MAPK4: variants seen among roughly 807,000 people sequenced by gnomAD.
MAPK4 encodes the protein Erk3-related.
Under a neutral mutation model 47.7 loss-of-function variants are expected in MAPK4, and 22 were observed. The observed-to-expected ratio is 0.46, with a 90% CI of 0.33 to 0.66. The LOEUF (loss-of-function observed/expected upper bound fraction) is 0.66, where lower values mean the gene tolerates loss of function less well. Ranked by LOEUF, MAPK4 falls within the 30% of genes least tolerant of loss-of-function variation. The probability of loss-of-function intolerance (pLI) is 0.02; values close to 1 mark genes in which losing one functional copy is unlikely to be tolerated. For synonymous variants in MAPK4, 390 were observed against 365.7 expected (o/e 1.07, Z -0.76); for missense variants, 736 against 831.7 (o/e 0.88, Z 1.42).
At chr18:50,727,562 C>G (rs549743138) in intron 5 of MAPK4, among the ~76,000 whole-genome samples, 1 of 152,318 alleles carries the variant, frequency 6.6e-6, no homozygotes, top group Non-Finnish European at 1.5e-5. Flanking sequence ...GTGGTTCCTG[C>G]GGCAGCTTCC....
chr18:50,646,947 G>T (rs1309508173), intron 1 of MAPK4, among the ~76,000 whole-genome samples: 8 of 152,090 alleles, frequency 5.3e-5, no homozygotes, highest in Admixed American at 5.2e-4. Context: ...CCTCCGTCCT[G>T]TACTTTTCCA....
At chr18:50,679,126 C>T (rs1417579985) in intron 2 of MAPK4, among the ~76,000 whole-genome samples, 1 of 152,134 alleles carries the variant, frequency 6.6e-6, no homozygotes, top group Non-Finnish European at 1.5e-5. Flanking sequence ...GGAGAGCAAG[C>T]CCGGGAGCAC....
Position 50,643,480 on chromosome 18 carries a change from G to A in MAPK4, c.-870-19609G>A, listed in dbSNP as rs550299861. On this transcript the variant is annotated intron_variant, in intron 1 of 5. Transcript: ENST00000400384. Reference sequence around the variant, plus strand: ...AGAGGTTGCAGCGAGTCGAGGTCGCGCCACTGCGCTCCAGCTTGTGTAATG... The same window carrying A: ...AGAGGTTGCAGCGAGTCGAGGTCGCACCACTGCGCTCCAGCTTGTGTAATG... Among the ~76,000 whole-genome samples the A allele has an allele frequency of 4.6e-3, 695 of 152,340 alleles. 4 individuals carry two copies. Among genetic ancestry groups the A allele is most frequent in the African/African-American group, 0.015 (632 of 41,570 alleles).
chr18:50,697,269 C>T (rs1292601232), intron 2 of MAPK4, among the ~76,000 whole-genome samples: 2 of 152,210 alleles, frequency 1.3e-5, no homozygotes, highest in Non-Finnish European at 2.9e-5. Flanking sequence ...CCTGACTTTA[C>T]TCATCTGTAA....
chr18:50,636,153 C>T (rs1309158932), intron 1 of MAPK4, among the ~76,000 whole-genome samples: 7 of 152,196 alleles, frequency 4.6e-5, no homozygotes, highest in African/African-American at 1.7e-4. Flanking sequence ...GCTTATTCTT[C>T]AGTTCTCAGC....
chr18:50,587,745 T>C (rs1168696452), intron 1 of MAPK4, among the ~76,000 whole-genome samples: 1 of 152,200 alleles, frequency 6.6e-6, no homozygotes, highest in East Asian at 1.9e-4. Context: ...TCTTTCTTTT[T>C]TGAGATGGAG....
chr18:50,694,140 G>A (rs1419337039), intron 2 of MAPK4, among the ~76,000 whole-genome samples: 1 of 152,194 alleles, frequency 6.6e-6, no homozygotes, highest in Non-Finnish European at 1.5e-5. Flanking sequence ...AGAAAGTCGT[G>A]GGCTGTGTGC....
At chr18:50,574,305 C>G (rs1389239878) in intron 1 of MAPK4, among the ~76,000 whole-genome samples, 3 of 152,086 alleles carry the variant, frequency 2.0e-5, no homozygotes, top group Non-Finnish European at 4.4e-5. Context: ...GGTATTTTCT[C>G]CCAAATAATT....
At chr18:50,643,935 G>T (rs546327293) in intron 1 of MAPK4, among the ~76,000 whole-genome samples, 18 of 151,802 alleles carry the variant, frequency 1.2e-4, no homozygotes, top group African/African-American at 3.6e-4. Context: ...GACTGTTCCC[G>T]TCCTGTTCTC....
chr18:50,578,086 A>C (rs1001866660), intron 1 of MAPK4, among the ~76,000 whole-genome samples: 4 of 152,176 alleles, frequency 2.6e-5, no homozygotes, highest in African/African-American at 9.7e-5. Flanking sequence ...CACAGACTGC[A>C]TGTGTTGCCT....
intron 1 of MAPK4, among the ~76,000 whole-genome samples, chr18:50,592,558 G>T (rs1255790330): frequency 6.6e-6 from 1 of 152,068 alleles, no homozygotes; most frequent in African/African-American, 2.4e-5. Flanking sequence ...TTTCTTTCTG[G>T]CTTATTTTCT....
intron 1 of MAPK4, among the ~76,000 whole-genome samples, chr18:50,650,386 C>T (rs1291981525): frequency 6.6e-6 from 1 of 151,612 alleles, no homozygotes; most frequent in Non-Finnish European, 1.5e-5. Flanking sequence ...TTTGTCCCTG[C>T]TCCCCTAGCC....
chr18:50,662,878 CA>C (rs1368841860), intron 1 of MAPK4, among the ~76,000 whole-genome samples: 1 of 152,214 alleles, frequency 6.6e-6, no homozygotes, highest in Non-Finnish European at 1.5e-5. Context: ...ATGGTCTTAT[CA>C]AATCAATCCA....
intron 1 of MAPK4, among the ~76,000 whole-genome samples, chr18:50,624,974 G>C (rs1481693285): frequency 6.6e-6 from 1 of 152,152 alleles, no homozygotes; most frequent in Non-Finnish European, 1.5e-5. Context: ...ACCCAACCAA[G>C]AGAGCCTATC....
intron 1 of MAPK4, among the ~76,000 whole-genome samples, chr18:50,632,854 A>T (rs1417883046): frequency 2.0e-5 from 3 of 152,164 alleles, no homozygotes; most frequent in Non-Finnish European, 4.4e-5. Context: ...TCCTGACCTC[A>T]GGTGATCCAC....
chr18:50,608,545 C>A (rs2042602861), intron 1 of MAPK4, among the ~76,000 whole-genome samples: 1 of 151,974 alleles, frequency 6.6e-6, no homozygotes, highest in Non-Finnish European at 1.5e-5. Context: ...ATGCAGGGAC[C>A]AATGATCCAA....
chr18:50,729,677 G>T lies in MAPK4; in HGVS notation c.1587G>T (p.Val529=). The change falls in exon 6 of 6, where the codon GTG becomes GTT. Residue 529 remains valine, a synonymous_variant. Coordinates refer to ENST00000400384, the MANE Select transcript of MAPK4 (RefSeq NM_002747.4). ...CGCCCCCCGGCCGCCCGGCCCCGGT[G>T]GACGGCGGCGCCAGCCCCCAGTTCG... ...SASPPGRPAP[V]DGGASPQFDL... 2 of 1,527,928 alleles carry T rather than the reference G, an allele frequency of 1.3e-6. No individual in the cohort carries two copies. Among genetic ancestry groups the T allele is most frequent in the Non-Finnish European group, 1.8e-6 (2 of 1,131,590 alleles). 94.6% of individuals were successfully genotyped at this position (1,527,928 alleles called of 1,614,324 possible).
intron 2 of MAPK4, among the ~76,000 whole-genome samples, chr18:50,674,552 C>T (rs1908152421): frequency 6.6e-6 from 1 of 152,200 alleles, no homozygotes; most frequent in Admixed American, 6.5e-5. Flanking sequence ...TCACCATTCC[C>T]TGGAAAATAC....
At chr18:50,585,570 C>A (rs2042381271) in intron 1 of MAPK4, among the ~76,000 whole-genome samples, 1 of 152,112 alleles carries the variant, frequency 6.6e-6, no homozygotes, top group Non-Finnish European at 1.5e-5. Flanking sequence ...ATGAGTATGA[C>A]CTTGCCTATG....
Sources: gnomAD v4.1 joint callset for allele counts (sites outside exome capture counted in the v4.1 genomes callset) on GRCh38, gnomAD v4.1.1 for gene constraint, MANE v1.5 for transcripts, NCBI Gene and HGNC (gene_info 2026-07-23, HGNC 2026-07-21) for gene names.